The following NINL variants were observed in gnomAD, a reference collection of about 807,000 sequenced individuals.
NINL encodes ninein like.
NINL carries 153 observed loss-of-function variants against 160.3 expected under a neutral mutation model. The observed-to-expected ratio is 0.95, with a 90% CI of 0.84 to 1.09. NINL has a LOEUF of 1.09. Ranked by LOEUF, NINL falls within the 50% of genes least tolerant of loss-of-function variation. The pLI, the probability that NINL is intolerant of heterozygous loss-of-function variation, is 0.00. For missense variants in NINL, 1,829 were observed against 1,764.0 expected (o/e 1.04, Z -0.66); for synonymous variants, 800 against 734.8 (o/e 1.09, Z -1.43).
intron 1 of NINL, among the ~76,000 whole-genome samples, chr20:25,564,955 C>A (rs2064984000): frequency 1.3e-5 from 2 of 152,098 alleles, no homozygotes. Flanking sequence ...AAGCCAATAA[C>A]TGGTAAAAAC....
intron 10 of NINL, among the ~76,000 whole-genome samples, chr20:25,492,049 T>C (rs2063652994): frequency 6.6e-6 from 1 of 152,172 alleles, no homozygotes. Context: ...TGTTCAACGC[T>C]CAGTCTCATC....
intron 1 of NINL, among the ~76,000 whole-genome samples, chr20:25,535,508 A>C (rs1203043491): frequency 6.6e-6 from 1 of 152,212 alleles, no homozygotes; most frequent in Admixed American, 6.5e-5. Flanking sequence ...ATAATTTTGT[A>C]CACCATAAAT....
intron 1 of NINL, among the ~76,000 whole-genome samples, chr20:25,578,921 T>C (rs1256934096): frequency 6.6e-6 from 1 of 151,856 alleles, no homozygotes; most frequent in South Asian, 2.1e-4. Flanking sequence ...GGTGGGAGAA[T>C]GCTTGAACCC....
intron 16 of NINL, among the ~76,000 whole-genome samples, chr20:25,478,292 G>C (rs953870754): frequency 1.3e-5 from 2 of 152,272 alleles, no homozygotes; most frequent in South Asian, 2.1e-4. Flanking sequence ...TGGCCAGTGT[G>C]GTGGGAGGGC....
intron 17 of NINL, among the ~76,000 whole-genome samples, chr20:25,471,277 C>A (rs1377624173): frequency 6.6e-6 from 1 of 152,158 alleles, no homozygotes; most frequent in Non-Finnish European, 1.5e-5. Flanking sequence ...TGAGCCACCA[C>A]GCCCAGCCCG....
In NINL at chr20:25,479,043, T is replaced by C; in HGVS notation, c.2081A>G (p.Gln694Arg). The C allele has an allele frequency of 6.2e-7, 1 of 1,611,668 alleles. No homozygotes were observed. The highest frequency in any genetic ancestry group is 8.5e-7 in the Non-Finnish European group (1 of 1,180,000). Residue 694 changes from glutamine (Q) to arginine (R), a missense_variant, in exon 16 of 24, where the codon CAG (glutamine) becomes CGG (arginine). Physicochemically the swap from Gln to Arg is conservative, Grantham distance 43. Coordinates refer to ENST00000278886, the MANE Select transcript of NINL (RefSeq NM_025176.6). ...EKSQEVIWGL[Q>R]EQLQDTARGP... ...GCGGGCTGTGTCCTGCAGCTGCTCC[T>C]GCAGGCCCCAGATGACCTCCTGAGA... is the stretch of plus-strand genomic sequence containing the variant.
Position 25,481,953 on chromosome 20 carries a change from G to A in NINL, c.1810+15C>T, listed in dbSNP as rs1215048334. The A allele has an allele frequency of 1.9e-6, 3 of 1,593,486 alleles. No homozygotes were observed. The highest frequency in any genetic ancestry group is 1.1e-5 in the South Asian group (1 of 90,768). The stretch of plus-strand genomic sequence containing the variant: ...CAGGCCTTGGGTCAGCCCCCTCCCA[G>A]GGACGGGCTCCTACCTGCTGGGCCG... On this transcript the variant is annotated intron_variant, in intron 14 of 23. Coordinates refer to ENST00000278886, the MANE Select transcript of NINL (RefSeq NM_025176.6).
intron 22 of NINL, among the ~76,000 whole-genome samples, chr20:25,457,144 T>C (rs1025989589): frequency 6.6e-6 from 1 of 151,700 alleles, no homozygotes; most frequent in African/African-American, 2.4e-5. Flanking sequence ...GCCAACACGG[T>C]GAAACCCCAT....
At chr20:25,568,535 A>G (rs1269607222) in intron 1 of NINL, among the ~76,000 whole-genome samples, 1 of 151,904 alleles carries the variant, frequency 6.6e-6, no homozygotes. Flanking sequence ...CAGCCTCCTG[A>G]GTAGCTGTGA....
At chr20:25,513,795 T>C (rs772783767) in intron 3 of NINL, among the ~76,000 whole-genome samples, 29 of 152,236 alleles carry the variant, frequency 1.9e-4, no homozygotes, top group Non-Finnish European at 3.5e-4. Context: ...ATGTAAGACA[T>C]GCCTGCTTCC....
chr20:25,520,770 T>C (rs1223633960), intron 2 of NINL, among the ~76,000 whole-genome samples: 1 of 152,260 alleles, frequency 6.6e-6, no homozygotes, highest in Non-Finnish European at 1.5e-5. Flanking sequence ...AATCTAACTA[T>C]GGCTCACTTT....
intron 23 of NINL, among the ~76,000 whole-genome samples, chr20:25,454,617 G>A (rs1418473981): frequency 6.6e-6 from 1 of 152,132 alleles, no homozygotes; most frequent in African/African-American, 2.4e-5. Context: ...ACTGGATCAC[G>A]ATGGAGCAAA....
At position 25,494,650 on chromosome 20, in the gene NINL, C is replaced by A. The variant is rs2146722414; in HGVS notation, c.1310+2013G>T. 1.3e-5 allele frequency among the ~76,000 whole-genome samples: 2 copies of A among 152,350 alleles called. 1 individual carries two copies. Among genetic ancestry groups the A allele is most frequent in the South Asian group, 4.1e-4 (2 of 4,832 alleles). On this transcript the variant is annotated intron_variant, in intron 10 of 23. Transcript: ENST00000278886. ...GAGGCCCCGCCCTGTCCCAGCCACC[C>A]CCTATGGACTGAACCATGTGGAGGT...
chr20:25,578,645 T>C (rs2065141878), intron 1 of NINL, among the ~76,000 whole-genome samples: 1 of 151,196 alleles, frequency 6.6e-6, no homozygotes, highest in Non-Finnish European at 1.5e-5. Context: ...TAGAAAAAAT[T>C]AGCCGGGCAT....
chr20:25,552,201 C>A (rs370469424), intron 1 of NINL, among the ~76,000 whole-genome samples: 1 of 152,068 alleles, frequency 6.6e-6, no homozygotes, highest in African/African-American at 2.4e-5. Flanking sequence ...TTCCCTCAAG[C>A]CTTTTATCAT....
intron 13 of NINL, among the ~76,000 whole-genome samples, chr20:25,488,231 C>T (rs1568897571): frequency 6.6e-6 from 1 of 152,058 alleles, no homozygotes. Flanking sequence ...CGCTCATTCT[C>T]TTTTTTTGGG....
intron 10 of NINL, 121 bp from the exon 11 acceptor site, chr20:25,491,646 GCC>G (rs2063641458): frequency 1.1e-5 from 13 of 1,206,020 alleles, no homozygotes; most frequent in Non-Finnish European, 1.1e-5. Flanking sequence ...GTGCAGGGCC[GCC>G]CTGCCTTGGC....
chr20:25,513,216 G>C (rs190365267), intron 3 of NINL, among the ~76,000 whole-genome samples: 41 of 152,180 alleles, frequency 2.7e-4, no homozygotes, highest in African/African-American at 8.9e-4. Flanking sequence ...GAGAAAGCAA[G>C]GGTGGGGAGA....
At chr20:25,487,785 C>T (rs566668391) in intron 13 of NINL, among the ~76,000 whole-genome samples, 1 of 152,172 alleles carries the variant, frequency 6.6e-6, no homozygotes, top group Non-Finnish European at 1.5e-5. Context: ...AATTTTCTTC[C>T]GCACAGAATT....
Sources: allele counts gnomAD v4.1 joint callset (sites outside exome capture counted in the v4.1 genomes callset), GRCh38; gene constraint gnomAD v4.1.1; transcripts MANE v1.5; gene names NCBI Gene and HGNC (gene_info 2026-07-23, HGNC 2026-07-21).